The following GSDME variants were observed in gnomAD, a reference collection of about 807,000 sequenced individuals.
The protein encoded by GSDME is gasdermin E.
Under a neutral mutation model 47.5 loss-of-function variants are expected in GSDME, and 44 were observed. The observed-to-expected ratio is 0.93, with a 90% CI of 0.73 to 1.19. GSDME has a LOEUF of 1.19. GSDME is among the 50% of genes most tolerant of loss of function. The pLI is 0.00. For synonymous variants in GSDME, 258 were observed against 252.8 expected (o/e 1.02, Z -0.20); for missense variants, 663 against 604.2 (o/e 1.10, Z -1.02).
chr7:24,734,215 C>T (rs1026717020), intron 3 of GSDME, among the ~76,000 whole-genome samples: 3 of 152,262 alleles, frequency 2.0e-5, no homozygotes, highest in Non-Finnish European at 1.5e-5. Context: ...CACACAGTTA[C>T]TGGGCTTTGG....
chr7:24,767,789 T>A, the GSDME span, among the ~76,000 whole-genome samples: 16 of 152,314 alleles, frequency 1.1e-4, no homozygotes, highest in East Asian at 3.1e-3. The surrounding 1 kb of genome is among the most constrained non-coding windows in gnomAD (Gnocchi z 5.3). Context: ...TAGAGGCCAA[T>A]TTCCCCTTTT....
At chr7:24,717,462 C>T in intron 4 of GSDME, 88 bp from the exon 5 acceptor site, 1 of 1,589,598 alleles carries the variant, frequency 6.3e-7, no homozygotes, top group African/African-American at 1.3e-5. Context: ...GTGCCTTATA[C>T]ATAAGAGATG....
At chr7:24,706,634 G>T (rs1789119281) in intron 7 of GSDME, among the ~76,000 whole-genome samples, 2 of 152,150 alleles carry the variant, frequency 1.3e-5, no homozygotes. Context: ...CCAGGGCAGG[G>T]TCTGTTGGGT....
Position 24,756,175 on chromosome 7 carries a change from G to C in GSDME, c.-20+1221C>G, listed in dbSNP as rs1157829282. 2.0e-5 allele frequency among the ~76,000 whole-genome samples: 3 copies of C among 152,328 alleles called. No individual in the cohort carries two copies. The East Asian group carries it at 5.8e-4, about 29-fold the overall frequency. On this transcript the variant is annotated intron_variant, in intron 1 of 9. Transcript: ENST00000645220. This position sits in a 1 kb window ranked among gnomAD's most constrained non-coding sequence, Gnocchi z 4.2. The stretch of plus-strand genomic sequence containing the variant: ...GAGAGTGAGGCGCCAAAGGCTTTGG[G>C]GAAGTGGAGTGGGTAACAGAGGGCA...
At chr7:24,707,702 A>G (rs79005017) in intron 7 of GSDME, 1 of 375,958 alleles carries the variant, frequency 2.7e-6, no homozygotes, top group Non-Finnish European at 4.8e-6. Context: ...ACACACACAG[A>G]GGGGAAGCCC....
chr7:24,728,712 C>A lies in GSDME; in HGVS notation c.405-9494G>T, dbSNP rs1333048422. On this transcript the variant is annotated intron_variant, in intron 3 of 9. Transcript: ENST00000645220. This position sits in a 1 kb window ranked among gnomAD's most constrained non-coding sequence, Gnocchi z 7.2. ...AACGAAAGCAGCCGCCCACTGTCTC[C>A]CCCGCAGGTACTAGCAGTCCCCATT... 6.6e-6 allele frequency among the ~76,000 whole-genome samples: 1 copy of A among 152,172 alleles called. No homozygotes were observed. The highest frequency in any genetic ancestry group is 1.9e-4 in the East Asian group (1 of 5,202).
rs902583820 is a variant in GSDME, at chr7:24,699,348, G to GA, written c.1258-90dup. The GA allele has an allele frequency of 7.9e-6, 8 of 1,013,070 alleles. No individual in the cohort carries two copies. In the African/African-American group the frequency reaches 1.1e-4, roughly 14 times the overall value. 62.8% of individuals were successfully genotyped at this position (1,013,070 alleles called of 1,614,324 possible). On this transcript the variant is annotated intron_variant, in intron 9 of 9. Coordinates refer to ENST00000645220, the MANE Select transcript of GSDME (RefSeq NM_001127453.2). ...AATGCACTTGTAGGTAATTCTGGGG[G>GA]AAAAAACTTTTTGAGATGGAGTCTT...
the GSDME span, among the ~76,000 whole-genome samples, chr7:24,775,650 G>A: frequency 1.3e-4 from 20 of 151,620 alleles, no homozygotes; most frequent in Middle Eastern, 6.8e-3. Context: ...GAAGCTGGGC[G>A]GATTGCTCGA....
intron 1 of GSDME, among the ~76,000 whole-genome samples, chr7:24,752,549 G>A (rs1300763934): frequency 6.6e-6 from 1 of 152,202 alleles, no homozygotes; most frequent in Non-Finnish European, 1.5e-5. Flanking sequence ...GGTGATGAAA[G>A]AAAGAAGGCT....
the GSDME span, among the ~76,000 whole-genome samples, chr7:24,786,281 G>T: frequency 6.6e-6 from 1 of 152,124 alleles, no homozygotes; most frequent in Admixed American, 6.5e-5. This position sits in a 1 kb window ranked among gnomAD's most constrained non-coding sequence, Gnocchi z 5.5. Flanking sequence ...AAAAACCCGA[G>T]GAAAACTTTG....
the GSDME span, among the ~76,000 whole-genome samples, chr7:24,795,275 G>A: frequency 1.3e-5 from 2 of 152,192 alleles, no homozygotes; most frequent in African/African-American, 4.8e-5. Flanking sequence ...TGTTCCACAA[G>A]GCAGGCCTAA....
chr7:24,729,790 A>C (rs1313866051), intron 3 of GSDME, among the ~76,000 whole-genome samples: 2 of 152,210 alleles, frequency 1.3e-5, no homozygotes, highest in East Asian at 3.8e-4. Context: ...TGCACAGAGG[A>C]GCCTGTGGGC....
At chr7:24,699,326 G>T in intron 9 of GSDME, 67 bp from the exon 10 acceptor site, 1 of 1,198,238 alleles carries the variant, frequency 8.3e-7, no homozygotes, top group Non-Finnish European at 1.2e-6. Context: ...GGATAGTAAT[G>T]CACTTGTAGG....
At chr7:24,720,732 A>T (rs1312902941) in intron 3 of GSDME, among the ~76,000 whole-genome samples, 1 of 152,200 alleles carries the variant, frequency 6.6e-6, no homozygotes, top group African/African-American at 2.4e-5. Context: ...CCTGACCAAC[A>T]TGGAGAAACC....
intron 9 of GSDME, 139 bp downstream of exon 9, chr7:24,702,621 A>G: frequency 1.4e-6 from 1 of 726,034 alleles, no homozygotes; most frequent in Admixed American, 1.8e-5. Context: ...AAGTGGGGTT[A>G]ATAACAATAC....
upstream of GSDME, among the ~76,000 whole-genome samples, chr7:24,762,741 A>C (rs968975246): frequency 2.0e-5 from 3 of 151,892 alleles, no homozygotes; most frequent in Non-Finnish European, 4.4e-5. Context: ...TGTTAGGGTA[A>C]GCTAACTGCT....
intron 6 of GSDME, among the ~76,000 whole-genome samples, 190 bp downstream of exon 6, chr7:24,710,034 C>G (rs867791230): frequency 2.0e-5 from 3 of 152,184 alleles, no homozygotes; most frequent in African/African-American, 4.8e-5. Context: ...CACCCACAAC[C>G]TGGGGCTCCC....
chr7:24,774,827 G>C, the GSDME span, among the ~76,000 whole-genome samples: 17 of 152,232 alleles, frequency 1.1e-4, no homozygotes, highest in African/African-American at 3.6e-4. Context: ...CACTGCACCC[G>C]GCCATAACAC....
chr7:24,776,637 G>A, the GSDME span, among the ~76,000 whole-genome samples: 10 of 152,168 alleles, frequency 6.6e-5, no homozygotes, highest in South Asian at 2.1e-4. Flanking sequence ...TTAATGGATC[G>A]CCTTAATTAA....
Sources: gnomAD v4.1 joint callset for allele counts (sites outside exome capture counted in the v4.1 genomes callset) on GRCh38, gnomAD v4.1.1 for gene constraint, Gnocchi (gnomAD v3.1) non-coding constraint, MANE v1.5 for transcripts, NCBI Gene and HGNC (gene_info 2026-07-23, HGNC 2026-07-21) for gene names.